Variants in EFHC2 observed in about 807,000 individuals in gnomAD.
EFHC2 encodes EF-hand domain containing 2, also known as EF-hand domain-containing family member C2.
In EFHC2, 18 loss-of-function variants were observed where a neutral mutation model predicts 52.7. The observed-to-expected ratio is 0.34, with a 90% CI of 0.24 to 0.51. The LOEUF (loss-of-function observed/expected upper bound fraction) is 0.51, where lower values mean the gene tolerates loss of function less well. Ranked by LOEUF, EFHC2 falls within the 20% of genes least tolerant of loss-of-function variation. The probability of loss-of-function intolerance (pLI) is 0.97; values close to 1 mark genes in which losing one functional copy is unlikely to be tolerated. For missense variants in EFHC2, 513 were observed against 562.5 expected, an observed-to-expected ratio of 0.91 and a Z score of 0.89; for synonymous variants, 203 against 204.1, an observed-to-expected ratio of 0.99 and a Z score of 0.04.
chrX:44,228,869 G>C (rs1228360574), intron 11 of EFHC2, among the ~76,000 whole-genome samples: 2 of 111,907 alleles, frequency 1.8e-5, no homozygotes, highest in Non-Finnish European at 3.8e-5. Flanking sequence ...TCGTTGTCAG[G>C]AGCCAGAATT....
intron 8 of EFHC2, among the ~76,000 whole-genome samples, chrX:44,240,917 C>T (rs2037354639): frequency 8.9e-6 from 1 of 111,802 alleles, no homozygotes; most frequent in South Asian, 3.7e-4. Context: ...TCTAGAAAGA[C>T]AAAGGACATC....
intron 1 of EFHC2, among the ~76,000 whole-genome samples, chrX:44,328,256 C>T (rs1461401920): frequency 2.7e-5 from 3 of 111,838 alleles, no homozygotes; most frequent in African/African-American, 9.7e-5. Flanking sequence ...GATTTTTGCT[C>T]TCTTGAGCCA....
chrX:44,328,958 A>C (rs748439314), intron 1 of EFHC2, among the ~76,000 whole-genome samples: 3 of 111,706 alleles, frequency 2.7e-5, no homozygotes, highest in Non-Finnish European at 5.6e-5. Flanking sequence ...TGTGGAGTGT[A>C]CTTTCATTTT....
chrX:44,232,480 C>T lies in EFHC2; in HGVS notation c.1620+1G>A. The T allele has an allele frequency of 9.3e-7, 1 of 1,079,703 alleles. No homozygotes were observed. The highest frequency in any genetic ancestry group is 1.2e-6 in the Non-Finnish European group (1 of 827,015). 89.0% of individuals were successfully genotyped at this position (1,079,703 alleles called of 1,213,427 possible). A position where few individuals can be genotyped will look rare whatever the true frequency, so the allele number is the denominator to read the frequency against. On this transcript the variant is annotated splice_donor_variant, in intron 10 of 14. Coordinates refer to ENST00000420999, the MANE Select transcript of EFHC2 (RefSeq NM_025184.4). LOFTEE classifies it high-confidence loss of function. Reference sequence around the variant, plus strand: ...TCAAGAATTATACAAAGTAAATTCACCTTATCTGTATTCTGCTCCATGTAG... The same window carrying T: ...TCAAGAATTATACAAAGTAAATTCATCTTATCTGTATTCTGCTCCATGTAG...
chrX:44,166,110 T>C (rs1393439619), intron 13 of EFHC2, among the ~76,000 whole-genome samples: 11 of 111,533 alleles, frequency 9.9e-5, no homozygotes, highest in African/African-American at 3.6e-4. Context: ...GGACTTATGA[T>C]ATTTTTAAAA....
At chrX:44,232,459 G>A in intron 10 of EFHC2, 22 bp downstream of exon 10, 1 of 1,049,167 alleles carries the variant, frequency 9.5e-7, no homozygotes, top group Non-Finnish European at 1.2e-6. Context: ...GGCAAGTCAA[G>A]AATTATACAA....
At chrX:44,161,487 A>C (rs777683796) in intron 14 of EFHC2, among the ~76,000 whole-genome samples, 4 of 111,692 alleles carry the variant, frequency 3.6e-5, no homozygotes, top group South Asian at 3.8e-4. Context: ...GGAGGCCGTC[A>C]ATCTGCTGTG....
At chrX:44,159,839 CCT>C (rs1312492021) in intron 14 of EFHC2, among the ~76,000 whole-genome samples, 1 of 112,788 alleles carries the variant, frequency 8.9e-6, no homozygotes, top group Non-Finnish European at 1.9e-5. Flanking sequence ...TGCCCAGCCC[CCT>C]GACTTGAGGA....
At chrX:44,338,801 CT>C (rs1471238922) in intron 1 of EFHC2, among the ~76,000 whole-genome samples, 2 of 96,987 alleles carry the variant, frequency 2.1e-5, no homozygotes, top group East Asian at 6.5e-4. Context: ...AATATGTTTT[CT>C]TTTTTCTTAA....
At chrX:44,267,761 C>T (rs770276512) in intron 3 of EFHC2, among the ~76,000 whole-genome samples, 3 of 111,704 alleles carry the variant, frequency 2.7e-5, no homozygotes, top group African/African-American at 9.8e-5. Context: ...ACTCAAGTCA[C>T]AACTGAAAGA....
intron 13 of EFHC2, among the ~76,000 whole-genome samples, chrX:44,169,421 G>A (rs1023542153): frequency 9.0e-6 from 1 of 110,644 alleles, no homozygotes; most frequent in Non-Finnish European, 1.9e-5. Flanking sequence ...GACTACAGGT[G>A]CGTACCACCA....
chrX:44,297,805 C>A (rs2037837786), intron 2 of EFHC2, among the ~76,000 whole-genome samples: 1 of 103,811 alleles, frequency 9.6e-6, no homozygotes, highest in African/African-American at 3.5e-5. Context: ...AAGTCAGCAA[C>A]TGCAAGGCCA....
intron 13 of EFHC2, among the ~76,000 whole-genome samples, 180 bp from the exon 14 acceptor site, chrX:44,164,207 G>T (rs1229076055): frequency 8.9e-6 from 1 of 111,863 alleles, no homozygotes; most frequent in African/African-American, 3.2e-5. Flanking sequence ...TTTGAGCGGG[G>T]ATCTTGCCTA....
At chrX:44,162,638 T>G (rs1304220080) in intron 14 of EFHC2, among the ~76,000 whole-genome samples, 1 of 111,756 alleles carries the variant, frequency 8.9e-6, no homozygotes, top group Non-Finnish European at 1.9e-5. Context: ...ACAAGTGCCA[T>G]GCTGTCCCAT....
intron 14 of EFHC2, among the ~76,000 whole-genome samples, chrX:44,156,042 G>C (rs777191810): frequency 3.8e-4 from 43 of 112,420 alleles, no homozygotes; most frequent in African/African-American, 1.4e-3. Flanking sequence ...GTGAGTTGTA[G>C]CTAAAAGACA....
chrX:44,310,267 G>T, intron 2 of EFHC2: 2 of 1,014,386 alleles, frequency 2.0e-6, no homozygotes, highest in Non-Finnish European at 2.8e-6. Flanking sequence ...CTCAGCAGCG[G>T]CTCATCCTCC....
At chrX:44,214,259 T>A (rs2037125575) in intron 11 of EFHC2, among the ~76,000 whole-genome samples, 1 of 111,707 alleles carries the variant, frequency 9.0e-6, no homozygotes, top group Non-Finnish European at 1.9e-5. Context: ...ACACGATAAA[T>A]GCCGAAAACA....
intron 2 of EFHC2, among the ~76,000 whole-genome samples, chrX:44,290,871 C>G (rs2037788255): frequency 9.0e-6 from 1 of 111,447 alleles, no homozygotes; most frequent in African/African-American, 3.3e-5. Flanking sequence ...ATTTCTGGGT[C>G]TCCTAGTGAC....
rs139611335 is a variant in EFHC2 at position 44,263,061 on chromosome X, T to C, written c.383-1763A>G. 8.7e-3 allele frequency among the ~76,000 whole-genome samples: 975 copies of C among 112,355 alleles called. 16 individuals carry two copies. The highest frequency in any genetic ancestry group is 0.03 in the African/African-American group (930 of 30,897). Reference sequence around the variant, plus strand: ...CAGAACAAAGAGAAGTCAGTGCCTCTGCTTACAAGAGATACAGAAATGCAT... The same window carrying C: ...CAGAACAAAGAGAAGTCAGTGCCTCCGCTTACAAGAGATACAGAAATGCAT... On this transcript the variant is annotated intron_variant, in intron 3 of 14. Coordinates refer to ENST00000420999, the MANE Select transcript of EFHC2 (RefSeq NM_025184.4).
Sources: gnomAD v4.1 joint callset for allele counts (sites outside exome capture counted in the v4.1 genomes callset) on GRCh38, gnomAD v4.1.1 for gene constraint, MANE v1.5 for transcripts, NCBI Gene and HGNC (gene_info 2026-07-23, HGNC 2026-07-21) for gene names.